FABP12: variants seen among roughly 807,000 people sequenced by gnomAD.
FABP12 encodes fatty acid binding protein 12, also known as fatty acid-binding protein 12.
A neutral mutation model predicts 13.7 loss-of-function variants in FABP12; 19 were observed. The ratio of observed to expected loss-of-function variants is 1.39; its 90% CI spans 0.97 to 2.04. FABP12 has a LOEUF of 2.04. FABP12 is among the 30% of genes most tolerant of loss of function. The probability of loss-of-function intolerance (pLI) is 0.00; values close to 1 mark genes in which losing one functional copy is unlikely to be tolerated. For missense variants in FABP12, 182 were observed against 164.2 expected (o/e 1.11, Z -0.59); for synonymous variants, 61 against 57.0 (o/e 1.07, Z -0.32).
chr8:81,541,308 T>C (rs1219425026), intron 1 of FABP12, among the ~76,000 whole-genome samples: 2 of 152,158 alleles, frequency 1.3e-5, no homozygotes, highest in Non-Finnish European at 2.9e-5. Context: ...ATCAAAAACA[T>C]GCATTTTTCA....
intron 1 of FABP12, among the ~76,000 whole-genome samples, chr8:81,585,576 T>C (rs1409372437): frequency 6.6e-6 from 1 of 152,226 alleles, no homozygotes; most frequent in African/African-American, 2.4e-5. Context: ...TCTTTTGTGG[T>C]TCCATATAAA....
At chr8:81,559,491 G>C (rs1809681185) in intron 1 of FABP12, among the ~76,000 whole-genome samples, 1 of 152,170 alleles carries the variant, frequency 6.6e-6, no homozygotes, top group Admixed American at 6.5e-5. Context: ...AGGGTGATCG[G>C]GGGCTGGTCC....
chr8:81,527,554 G>C (rs773893145), intron 3 of FABP12, among the ~76,000 whole-genome samples: 2 of 151,884 alleles, frequency 1.3e-5, no homozygotes, highest in Non-Finnish European at 2.9e-5. Context: ...GTAAAGACGG[G>C]GTTTCACCAT....
chr8:81,531,216 T>C, intron 2 of FABP12, 27 bp downstream of exon 2: 1 of 1,535,394 alleles, frequency 6.5e-7, no homozygotes, highest in Non-Finnish European at 9.0e-7. Flanking sequence ...TTTTACTGGA[T>C]ATGATATGCA....
intron 1 of FABP12, among the ~76,000 whole-genome samples, chr8:81,553,225 A>G (rs981369571): frequency 1.5e-4 from 23 of 152,164 alleles, no homozygotes; most frequent in Admixed American, 8.5e-4. Context: ...CACTAGACCT[A>G]TCTCTTCCAG....
At chr8:81,577,756 T>A (rs1563558119) in intron 1 of FABP12, among the ~76,000 whole-genome samples, 1 of 152,168 alleles carries the variant, frequency 6.6e-6, no homozygotes, top group Non-Finnish European at 1.5e-5. Flanking sequence ...TGAGACTCCG[T>A]CTCAAAAAAA....
chr8:81,549,358 C>T (rs896321429), intron 1 of FABP12, among the ~76,000 whole-genome samples: 2 of 152,046 alleles, frequency 1.3e-5, no homozygotes, highest in Non-Finnish European at 2.9e-5. Flanking sequence ...TTGATGGACA[C>T]GGTAAAGAGC....
intron 1 of FABP12, among the ~76,000 whole-genome samples, chr8:81,542,716 G>A (rs761000723): frequency 3.3e-4 from 50 of 152,242 alleles, no homozygotes; most frequent in Non-Finnish European, 6.8e-4. Flanking sequence ...CCATATTTAC[G>A]CATGCACCCA....
At chr8:81,567,983 C>T (rs980100859) in intron 1 of FABP12, among the ~76,000 whole-genome samples, 2 of 152,038 alleles carry the variant, frequency 1.3e-5, no homozygotes, top group Admixed American at 1.3e-4. Context: ...ATTAGCCGGG[C>T]GCGGTGGCGG....
At chr8:81,536,923 T>C (rs1318160383), upstream of FABP12, among the ~76,000 whole-genome samples, 1 of 152,214 alleles carries the variant, frequency 6.6e-6, no homozygotes, top group East Asian at 1.9e-4. Context: ...AAGCCTGAAA[T>C]ATTTACTACT....
intron 1 of FABP12, among the ~76,000 whole-genome samples, chr8:81,570,253 G>A (rs1230718656): frequency 6.6e-6 from 1 of 152,220 alleles, no homozygotes; most frequent in East Asian, 1.9e-4. Context: ...TCCCCAAAGG[G>A]CTACAGATCT....
At chr8:81,579,887 T>A (rs1035545233) in intron 1 of FABP12, among the ~76,000 whole-genome samples, 3 of 152,230 alleles carry the variant, frequency 2.0e-5, no homozygotes, top group African/African-American at 7.2e-5. Context: ...ATTCTCTTTC[T>A]TTTTTACCTA....
intron 2 of FABP12, among the ~76,000 whole-genome samples, chr8:81,530,167 G>A (rs1269955717): frequency 6.6e-6 from 1 of 152,052 alleles, no homozygotes; most frequent in African/African-American, 2.4e-5. Context: ...TCACAATGTT[G>A]TGCAAGCATC....
At position 81,578,843 on chromosome 8, in the gene FABP12, GAGA is replaced by G. The variant is rs796822129; in HGVS notation, c.-185+11207_-185+11209del. Among the ~76,000 whole-genome samples, 119 of 23,172 alleles carry G rather than the reference GAGA, an allele frequency of 5.1e-3. 1 individual carries two copies. Among genetic ancestry groups the G allele is most frequent in the African/African-American group, 0.022 (115 of 5,134 alleles). The allele number at this position is 23,172 out of a possible 152,430, so 15.2% of individuals were successfully genotyped here. On this transcript the variant is annotated intron_variant, in intron 1 of 5. Coordinates refer to the FABP12 transcript ENST00000692030. ...TTCAAGTTTTTTTTTTTTTTTTTTT[GAGA>G]AGGAGTCTCGCTCTGTCACCCAAGC...
chr8:81,586,346 T>C (rs1016837015), intron 1 of FABP12, among the ~76,000 whole-genome samples: 4 of 152,218 alleles, frequency 2.6e-5, no homozygotes, highest in Admixed American at 1.3e-4. Context: ...TATATTCCTT[T>C]AGGTATATAC....
chr8:81,545,444 T>C (rs911263335), intron 1 of FABP12, among the ~76,000 whole-genome samples: 1 of 152,234 alleles, frequency 6.6e-6, no homozygotes, highest in Non-Finnish European at 1.5e-5. Context: ...TTAATGAGTG[T>C]TTTTAAATGA....
chr8:81,582,303 AG>A (rs1171110899), intron 1 of FABP12, among the ~76,000 whole-genome samples: 11 of 151,634 alleles, frequency 7.3e-5, no homozygotes, highest in Admixed American at 7.2e-4. Context: ...TTGTATTTTT[AG>A]TAGAGACAAG....
chr8:81,564,003 C>G (rs1379610341), intron 1 of FABP12, among the ~76,000 whole-genome samples: 1 of 151,874 alleles, frequency 6.6e-6, no homozygotes, highest in East Asian at 1.9e-4. Context: ...TAATCAAACT[C>G]CAAAAGGTCA....
chr8:81,529,522 G>T (rs773031759), exon 3 of FABP12: 125 of 1,613,708 alleles, frequency 7.7e-5, no homozygotes, highest in Non-Finnish European at 1.0e-4. Flanking sequence ...AGATGCTTTT[G>T]GTTTTTATTG....
Sources: gnomAD v4.1 joint callset for allele counts (sites outside exome capture counted in the v4.1 genomes callset) on GRCh38, gnomAD v4.1.1 for gene constraint, MANE v1.5 for transcripts, NCBI Gene and HGNC (gene_info 2026-07-23, HGNC 2026-07-21) for gene names.